Variants in SDK1 observed in about 807,000 individuals in gnomAD.
SDK1 encodes protein sidekick-1.
SDK1 carries 157 observed loss-of-function variants against 245.5 expected under a neutral mutation model. The ratio of observed to expected loss-of-function variants is 0.64; its 90% CI spans 0.56 to 0.73. The LOEUF (loss-of-function observed/expected upper bound fraction) is 0.73, where lower values mean the gene tolerates loss of function less well. SDK1 is among the 30% of genes least tolerant of loss of function. The pLI is 0.00. For synonymous variants in SDK1, 1,647 were observed against 1,278.5 expected (o/e 1.29, Z -6.15); for missense variants, 3,583 against 3,002.3 (o/e 1.19, Z -4.52).
intron 1 of SDK1, among the ~76,000 whole-genome samples, chr7:3,334,685 C>A (rs750690147): frequency 1.3e-5 from 2 of 152,126 alleles, no homozygotes; most frequent in African/African-American, 4.8e-5. Flanking sequence ...CTGTTCCCTT[C>A]GTTGAATCTT....
intron 1 of SDK1, among the ~76,000 whole-genome samples, chr7:3,582,905 A>C (rs1264680133): frequency 6.6e-6 from 1 of 152,116 alleles, no homozygotes; most frequent in Non-Finnish European, 1.5e-5. Flanking sequence ...TGCTGAGTGG[A>C]AGAGAAGTGT....
intron 22 of SDK1, among the ~76,000 whole-genome samples, chr7:4,092,346 C>A (rs902971822): frequency 6.6e-6 from 1 of 152,186 alleles, no homozygotes; most frequent in Non-Finnish European, 1.5e-5. Context: ...ACGCCTGGTT[C>A]TCATTCCCCA....
intron 4 of SDK1, among the ~76,000 whole-genome samples, chr7:3,806,605 C>T (rs1222495158): frequency 6.6e-6 from 1 of 152,218 alleles, no homozygotes; most frequent in East Asian, 1.9e-4. Flanking sequence ...CATTTTGCAC[C>T]AGTTACATAC....
chr7:3,649,687 T>C (rs968716294), intron 4 of SDK1, among the ~76,000 whole-genome samples: 7 of 152,180 alleles, frequency 4.6e-5, no homozygotes, highest in African/African-American at 7.2e-5. Context: ...AGTACTGTTA[T>C]TATCGTGGCT....
intron 4 of SDK1, among the ~76,000 whole-genome samples, chr7:3,733,749 T>A (rs528313901): frequency 2.5e-4 from 38 of 152,308 alleles, no homozygotes; most frequent in African/African-American, 8.7e-4. Flanking sequence ...ACGTTGCTTC[T>A]CTCTGTTGTA....
At chr7:3,789,631 A>G (rs554030471) in intron 4 of SDK1, among the ~76,000 whole-genome samples, 29 of 152,320 alleles carry the variant, frequency 1.9e-4, no homozygotes, top group Admixed American at 1.8e-3. Flanking sequence ...CCAACTTCTG[A>G]TCAAACATGG....
chr7:3,899,642 C>G (rs905435918), intron 5 of SDK1, among the ~76,000 whole-genome samples: 4 of 152,224 alleles, frequency 2.6e-5, no homozygotes, highest in African/African-American at 9.6e-5. Flanking sequence ...GCCTGCTCAG[C>G]CAGGTCCAAG....
chr7:3,626,016 T>A (rs1400206897), intron 2 of SDK1, among the ~76,000 whole-genome samples: 4 of 148,474 alleles, frequency 2.7e-5, no homozygotes, highest in African/African-American at 1.0e-4. Context: ...TAATCATAGC[T>A]CATTGCAGCC....
At chr7:4,041,275 T>C (rs907513181) in intron 17 of SDK1, among the ~76,000 whole-genome samples, 3 of 145,512 alleles carry the variant, frequency 2.1e-5, no homozygotes, top group Non-Finnish European at 4.5e-5. Flanking sequence ...ACCACATGCA[T>C]AGTTTTGTTT....
intron 4 of SDK1, among the ~76,000 whole-genome samples, chr7:3,719,925 C>T (rs1057439403): frequency 2.6e-5 from 4 of 151,178 alleles, no homozygotes; most frequent in South Asian, 2.1e-4. Context: ...TGCAGTGAGC[C>T]GAGATCGTGC....
chr7:3,884,781 G>T (rs80271843), intron 5 of SDK1, among the ~76,000 whole-genome samples: 1 of 152,174 alleles, frequency 6.6e-6, no homozygotes, highest in African/African-American at 2.4e-5. Context: ...CATCTCTGGT[G>T]TGGCTCCTTC....
intron 1 of SDK1, among the ~76,000 whole-genome samples, chr7:3,360,270 G>A (rs1306182299): frequency 2.0e-5 from 3 of 152,180 alleles, no homozygotes; most frequent in Non-Finnish European, 4.4e-5. Flanking sequence ...GTGCTTGATA[G>A]ACAATCTGTT....
intron 4 of SDK1, among the ~76,000 whole-genome samples, chr7:3,805,268 T>C (rs1321370958): frequency 1.3e-5 from 2 of 152,254 alleles, no homozygotes; most frequent in South Asian, 2.1e-4. Context: ...TGAGTGTTGT[T>C]GTTACTGTTG....
In SDK1 at chr7:4,096,590, T is replaced by C. The variant is rs144147374; in HGVS notation, c.3325-14073T>C. On this transcript the variant is annotated intron_variant, in intron 22 of 44. Coordinates refer to ENST00000404826, the MANE Select transcript of SDK1 (RefSeq NM_152744.4). ...GCATGGGACTAGCACATATTAGACA[T>C]TTAATAAATGGAAGTTCCTAATAAT... 2.0e-3 allele frequency among the ~76,000 whole-genome samples: 306 copies of C among 152,192 alleles called. 2 individuals carry two copies. Among genetic ancestry groups the C allele is most frequent in the African/African-American group, 7.1e-3 (296 of 41,502 alleles).
chr7:3,859,123 A>T (rs540602989), intron 5 of SDK1, among the ~76,000 whole-genome samples: 2 of 151,918 alleles, frequency 1.3e-5, no homozygotes, highest in Admixed American at 1.3e-4. Flanking sequence ...CGGCCTCCCA[A>T]AGTGCTGGGA....
intron 14 of SDK1, among the ~76,000 whole-genome samples, chr7:3,992,748 C>T (rs1784437299): frequency 6.6e-6 from 1 of 152,130 alleles, no homozygotes; most frequent in African/African-American, 2.4e-5. Flanking sequence ...CATCTAGCGC[C>T]CTTCAGGGTT....
intron 1 of SDK1, among the ~76,000 whole-genome samples, chr7:3,442,413 G>T (rs573773980): frequency 1.1e-4 from 17 of 152,202 alleles, no homozygotes; most frequent in Non-Finnish European, 2.4e-4. Context: ...TGGTAACTGG[G>T]TCATTGCAAA....
rs116773794 is a variant in SDK1, at chr7:3,781,812, G to A, written c.714-39638G>A. ...GAAAGCTTCAGCAGAAGACACTGTC[G>A]AGCAGAAGAAAGAATTAGTGATCTG... On this transcript the variant is annotated intron_variant, in intron 4 of 44. Coordinates refer to ENST00000404826, the MANE Select transcript of SDK1 (RefSeq NM_152744.4). Among the ~76,000 whole-genome samples the A allele has an allele frequency of 5.7e-3, 861 of 152,136 alleles. 8 individuals are homozygous for A. Among genetic ancestry groups the A allele is most frequent in the African/African-American group, 0.02 (827 of 41,512 alleles).
chr7:3,353,280 C>A (rs944232779), intron 1 of SDK1, among the ~76,000 whole-genome samples: 4 of 152,132 alleles, frequency 2.6e-5, no homozygotes, highest in African/African-American at 9.7e-5. Flanking sequence ...TAGCCACTTA[C>A]AAACTTTGAT....
Sources: gnomAD v4.1 joint callset for allele counts (sites outside exome capture counted in the v4.1 genomes callset) on GRCh38, gnomAD v4.1.1 for gene constraint, MANE v1.5 for transcripts, NCBI Gene and HGNC (gene_info 2026-07-23, HGNC 2026-07-21) for gene names.